Variants in PDE4B observed in about 807,000 individuals in gnomAD.
PDE4B encodes the protein phosphodiesterase 4B.
A neutral mutation model predicts 82.2 loss-of-function variants in PDE4B; 20 were observed. The ratio of observed to expected loss-of-function variants is 0.24; its 90% confidence interval spans 0.17 to 0.35. PDE4B has a LOEUF of 0.35. Among genes scored for constraint, PDE4B ranks in the 10% least tolerant of loss-of-function variants. The pLI, the probability that PDE4B is intolerant of heterozygous loss-of-function variation, is 1.00. For synonymous variants in PDE4B, 320 were observed against 318.9 expected, an observed-to-expected ratio of 1.00 and a Z score of -0.04; for missense variants, 655 against 907.2, an observed-to-expected ratio of 0.72 and a Z score of 3.57.
At chr1:66,161,150 A>G (rs1047183974) in intron 3 of PDE4B, among the ~76,000 whole-genome samples, 17 of 152,132 alleles carry the variant, frequency 1.1e-4, no homozygotes, top group Non-Finnish European at 7.4e-5. Flanking sequence ...TTGGCATTCA[A>G]ATTGGGCATC....
chr1:66,196,661 G>A (rs188816374), intron 3 of PDE4B, among the ~76,000 whole-genome samples: 21 of 152,196 alleles, frequency 1.4e-4, no homozygotes, highest in Middle Eastern at 3.4e-3. Context: ...CCTTTGTAGG[G>A]ACATGGATGA....
At chr1:65,991,408 TCTC>T (rs200853677) in intron 3 of PDE4B, among the ~76,000 whole-genome samples, 1,526 of 152,220 alleles carry the variant, frequency 0.01, 19 homozygotes, top group African/African-American at 0.035. Flanking sequence ...GTAGAAGACA[TCTC>T]TCACATCTTA....
chr1:66,211,502 C>T (rs1409698812), intron 3 of PDE4B, among the ~76,000 whole-genome samples: 1 of 152,180 alleles, frequency 6.6e-6, no homozygotes, highest in African/African-American at 2.4e-5. Context: ...ATTATCTATG[C>T]TCCTATCTAA....
intron 7 of PDE4B, chr1:66,267,450 C>T (rs765008434): frequency 7.9e-5 from 12 of 152,230 alleles, no homozygotes; most frequent in Non-Finnish European, 1.6e-4. Flanking sequence ...GCCAAATTTA[C>T]ATCAATTTGA....
Position 65,863,072 on chromosome 1 carries a change from A to G in PDE4B, c.-70-50173A>G, listed in dbSNP as rs138694832. ...CAGTTCTGTTTGCTCTTCCTTCTCT[A>G]GTTTTTTTAATTGTGATGTTAGGGT... is the stretch of plus-strand genomic sequence containing the variant. On this transcript the variant is annotated intron_variant, in intron 1 of 16. Coordinates refer to ENST00000341517, the MANE Select transcript of PDE4B (RefSeq NM_002600.4). 5.1e-3 allele frequency among the ~76,000 whole-genome samples: 768 copies of G among 150,588 alleles called. 8 individuals are homozygous for G. The highest frequency in any genetic ancestry group is 0.018 in the African/African-American group (724 of 41,090).
chr1:65,969,619 T>C (rs1650026769), intron 3 of PDE4B, among the ~76,000 whole-genome samples: 2 of 152,286 alleles, frequency 1.3e-5, no homozygotes, highest in South Asian at 4.1e-4. Flanking sequence ...TTGTACTACA[T>C]ATTGCTGGAA....
chr1:65,955,297 G>A (rs1452457321), intron 3 of PDE4B, among the ~76,000 whole-genome samples: 1 of 152,124 alleles, frequency 6.6e-6, no homozygotes, highest in Non-Finnish European at 1.5e-5. Flanking sequence ...ACTGGGAAGA[G>A]AGATGTAGAA....
intron 3 of PDE4B, among the ~76,000 whole-genome samples, chr1:66,155,844 A>G (rs582237): frequency 0.28 from 42,064 of 152,016 alleles, 6,866 homozygotes; most frequent in Middle Eastern, 0.43. Context: ...CCCTGCTTAA[A>G]ATCATTACTG....
rs186934125 is a variant in PDE4B at position 66,338,790 on chromosome 1, G to A, written c.747+6170G>A. Among the ~76,000 whole-genome samples the A allele has an allele frequency of 9.8e-3, 1,484 of 152,122 alleles. 14 individuals carry two copies. Among genetic ancestry groups the A allele is most frequent in the African/African-American group, 0.033 (1,367 of 41,492 alleles). ...TCCCAGCACTTTGGGAGGCCGAGGCGGGCGGATCACAAGGTCAGGATATCG... is the reference window on the plus strand; with the variant it reads ...TCCCAGCACTTTGGGAGGCCGAGGCAGGCGGATCACAAGGTCAGGATATCG... On this transcript the variant is annotated intron_variant, in intron 8 of 16. Transcript: ENST00000341517.
chr1:66,115,412 A>C (rs1253241509), intron 3 of PDE4B, among the ~76,000 whole-genome samples: 1 of 151,536 alleles, frequency 6.6e-6, no homozygotes, highest in Non-Finnish European at 1.5e-5. Flanking sequence ...ATGCACACTA[A>C]ATACAGAGGG....
intron 3 of PDE4B, among the ~76,000 whole-genome samples, chr1:66,153,054 G>A (rs147096250): frequency 2.0e-5 from 3 of 152,276 alleles, no homozygotes; most frequent in Admixed American, 6.5e-5. Context: ...GCCTAGCCAA[G>A]TTGATACATA....
chr1:66,368,086 A>G, intron 15 of PDE4B, 21 bp downstream of exon 15: 1 of 1,610,294 alleles, frequency 6.2e-7, no homozygotes, highest in East Asian at 2.2e-5. Flanking sequence ...AAAGTCTTTG[A>G]TTTAACACAA....
At chr1:65,954,214 C>T (rs1351289485) in intron 3 of PDE4B, among the ~76,000 whole-genome samples, 1 of 151,986 alleles carries the variant, frequency 6.6e-6, no homozygotes, top group Non-Finnish European at 1.5e-5. Flanking sequence ...TTATTTTTAT[C>T]TCATAACACT....
chr1:66,053,734 C>A (rs1655156875), intron 3 of PDE4B, among the ~76,000 whole-genome samples: 1 of 152,140 alleles, frequency 6.6e-6, no homozygotes, highest in African/African-American at 2.4e-5. Flanking sequence ...TGGCGGGTGC[C>A]TGTAATCCCA....
At chr1:66,091,329 T>A (rs1172217421) in intron 3 of PDE4B, among the ~76,000 whole-genome samples, 1 of 152,024 alleles carries the variant, frequency 6.6e-6, no homozygotes, top group African/African-American at 2.4e-5. Context: ...ACATAACTCT[T>A]ATGGGCAACT....
intron 9 of PDE4B, chr1:66,360,423 G>A (rs1662667793): frequency 6.6e-6 from 1 of 152,120 alleles, no homozygotes; most frequent in South Asian, 2.1e-4. Flanking sequence ...ATGTGACTGT[G>A]CCATTATCTG....
chr1:66,306,314 G>A (rs1658273634), intron 7 of PDE4B, among the ~76,000 whole-genome samples: 1 of 152,126 alleles, frequency 6.6e-6, no homozygotes, highest in South Asian at 2.1e-4. Context: ...TGTAAAAAGG[G>A]TCACAAATGA....
chr1:66,261,796 C>T (rs936501732), intron 6 of PDE4B, among the ~76,000 whole-genome samples: 28 of 152,250 alleles, frequency 1.8e-4, no homozygotes, highest in African/African-American at 6.3e-4. Context: ...TTAAAACCTA[C>T]ACTTCCTTTG....
At chr1:65,939,764 G>T (rs984010470) in intron 3 of PDE4B, among the ~76,000 whole-genome samples, 1 of 152,120 alleles carries the variant, frequency 6.6e-6, no homozygotes, top group Non-Finnish European at 1.5e-5. Flanking sequence ...GAAAAGCTTT[G>T]TAGACTGTCT....
Sources: allele counts gnomAD v4.1 joint callset (sites outside exome capture counted in the v4.1 genomes callset), GRCh38; gene constraint gnomAD v4.1.1; transcripts MANE v1.5; gene names NCBI Gene and HGNC (gene_info 2026-07-23, HGNC 2026-07-21).